SOX5: variants seen among roughly 807,000 people sequenced by gnomAD.
The protein encoded by SOX5 is SRY-box transcription factor 5.
A neutral mutation model predicts 92.0 loss-of-function variants in SOX5; 9 were observed. That is an observed-to-expected ratio of 0.10 (90% CI 0.06 to 0.17). SOX5 has a LOEUF of 0.17. Among genes scored for constraint, SOX5 ranks in the 10% least tolerant of loss-of-function variants. The pLI, the probability that SOX5 is intolerant of heterozygous loss-of-function variation, is 1.00. For missense variants in SOX5, 642 were observed against 944.5 expected (o/e 0.68, Z 4.20); for synonymous variants, 344 against 336.3 (o/e 1.02, Z -0.25).
At chr12:23,792,250 C>G (rs1048653635) in intron 3 of SOX5, among the ~76,000 whole-genome samples, 15 of 151,684 alleles carry the variant, frequency 9.9e-5, no homozygotes, top group African/African-American at 3.6e-4. Flanking sequence ...AATAGAGATA[C>G]GAAAACCCCA....
At chr12:23,551,582 A>AT (rs1944232990) in intron 11 of SOX5, among the ~76,000 whole-genome samples, 1 of 151,882 alleles carries the variant, frequency 6.6e-6, no homozygotes, top group Non-Finnish European at 1.5e-5. Context: ...TCTGTCACTA[A>AT]TTTTACCTCC....
intron 8 of SOX5, among the ~76,000 whole-genome samples, chr12:23,623,289 G>A (rs990896375): frequency 1.3e-5 from 2 of 152,108 alleles, no homozygotes. Context: ...TAAGACAAAT[G>A]TATTAGATAA....
chr12:24,172,787 C>T (rs565714411), intron 4 of SOX5, among the ~76,000 whole-genome samples: 1 of 152,108 alleles, frequency 6.6e-6, no homozygotes, highest in Non-Finnish European at 1.5e-5. Context: ...TTGAAAGAAG[C>T]AAACAGGTCC....
chr12:23,653,521 C>T (rs113165523), intron 7 of SOX5, among the ~76,000 whole-genome samples: 318 of 152,066 alleles, frequency 2.1e-3, no homozygotes, highest in Non-Finnish European at 3.7e-3. Flanking sequence ...TCTGTCTGTT[C>T]GGGCTGATAC....
chr12:24,262,964 G>A (rs1191919224), intron 3 of SOX5, among the ~76,000 whole-genome samples: 1 of 152,172 alleles, frequency 6.6e-6, no homozygotes, highest in South Asian at 2.1e-4. Context: ...GCTCATGCCT[G>A]TAATCCCAGC....
intron 1 of SOX5, among the ~76,000 whole-genome samples, chr12:24,483,837 C>T (rs753860718): frequency 1.3e-5 from 2 of 152,184 alleles, no homozygotes; most frequent in African/African-American, 2.4e-5. Context: ...TCTGCATTCT[C>T]TTTAGTAATT....
intron 6 of SOX5, among the ~76,000 whole-genome samples, chr12:23,729,583 T>A (rs1002536346): frequency 6.6e-6 from 1 of 152,094 alleles, no homozygotes; most frequent in Non-Finnish European, 1.5e-5. Context: ...AACTTATGAA[T>A]CAGAAACAAT....
chr12:23,535,456 T>C (rs1388686762), intron 14 of SOX5, among the ~76,000 whole-genome samples: 1 of 152,162 alleles, frequency 6.6e-6, no homozygotes, highest in African/African-American at 2.4e-5. Flanking sequence ...AAATTCTTAA[T>C]AACTTTTTAA....
intron 6 of SOX5, among the ~76,000 whole-genome samples, chr12:23,680,101 A>T (rs1241734758): frequency 6.6e-6 from 1 of 151,850 alleles, no homozygotes. Flanking sequence ...TGAGGTGGGC[A>T]CATCGCTTGA....
In SOX5 at chr12:24,319,564, C is replaced by T. The variant is rs576355489; in HGVS notation, c.-173-42252G>A. 2.6e-5 allele frequency among the ~76,000 whole-genome samples: 4 copies of T among 152,296 alleles called. No individual in the cohort carries two copies. The East Asian group carries it at 7.7e-4, about 29-fold the overall frequency. On this transcript the variant is annotated intron_variant, in intron 2 of 4. Transcript: ENST00000446891. ...CTCACTGCTATTTTCTTTCTCCAAG[C>T]CCTCTTCATATGCTATCTGAATTTG...
intron 4 of SOX5, among the ~76,000 whole-genome samples, chr12:24,131,786 G>C (rs1052916669): frequency 6.6e-6 from 1 of 152,160 alleles, no homozygotes; most frequent in Non-Finnish European, 1.5e-5. Context: ...AAGAGAGGGA[G>C]AAAAGAGGGG....
At chr12:24,469,589 C>T (rs1399092288) in intron 1 of SOX5, among the ~76,000 whole-genome samples, 1 of 152,062 alleles carries the variant, frequency 6.6e-6, no homozygotes, top group African/African-American at 2.4e-5. Flanking sequence ...TCTATGACGC[C>T]CCAGGCTAGC....
chr12:24,031,314 G>A (rs935447905), intron 4 of SOX5, among the ~76,000 whole-genome samples: 10 of 151,706 alleles, frequency 6.6e-5, no homozygotes, highest in Admixed American at 3.3e-4. Flanking sequence ...TGTGTCCAGT[G>A]GTAGATGAAT....
intron 1 of SOX5, among the ~76,000 whole-genome samples, chr12:24,539,690 C>T (rs939636392): frequency 1.3e-5 from 2 of 152,058 alleles, no homozygotes; most frequent in Non-Finnish European, 2.9e-5. Context: ...CTCTGGCAAA[C>T]ATTTCCTTAA....
At chr12:24,239,417 T>C (rs1965143210) in intron 3 of SOX5, among the ~76,000 whole-genome samples, 1 of 152,236 alleles carries the variant, frequency 6.6e-6, no homozygotes, top group Non-Finnish European at 1.5e-5. Flanking sequence ...CATTATTGTC[T>C]GAAACTGCAT....
At chr12:24,416,717 G>C (rs1301547711) in intron 1 of SOX5, among the ~76,000 whole-genome samples, 1 of 152,192 alleles carries the variant, frequency 6.6e-6, no homozygotes, top group Non-Finnish European at 1.5e-5. Context: ...TTTGAGCGAT[G>C]ATAGTCAAAC....
intron 1 of SOX5, among the ~76,000 whole-genome samples, chr12:24,429,627 C>T (rs942677918): frequency 9.0e-5 from 13 of 143,868 alleles, no homozygotes; most frequent in African/African-American, 3.3e-4. Flanking sequence ...CACACACATA[C>T]ACACACACAC....
intron 1 of SOX5, among the ~76,000 whole-genome samples, chr12:24,478,094 A>T (rs569747844): frequency 6.6e-6 from 1 of 152,318 alleles, no homozygotes; most frequent in South Asian, 2.1e-4. Flanking sequence ...CCGAATCCAG[A>T]ACTGTCTACT....
chr12:24,305,842 C>T (rs946438067), intron 2 of SOX5, among the ~76,000 whole-genome samples: 2 of 152,180 alleles, frequency 1.3e-5, no homozygotes, highest in African/African-American at 4.8e-5. Context: ...GGCAATCTGC[C>T]TGCCTCGGCC....
Sources: allele counts gnomAD v4.1 joint callset (sites outside exome capture counted in the v4.1 genomes callset), GRCh38; gene constraint gnomAD v4.1.1; transcripts MANE v1.5; gene names NCBI Gene and HGNC (gene_info 2026-07-23, HGNC 2026-07-21).